PLEKHH2: variants seen among roughly 807,000 people sequenced by gnomAD.
PLEKHH2 encodes pleckstrin homology, MyTH4 and FERM domain containing H2, also known as pleckstrin homology domain-containing family H member 2.
Under a neutral mutation model 187.9 loss-of-function variants are expected in PLEKHH2, and 129 were observed. The observed-to-expected ratio is 0.69, with a 90% confidence interval of 0.59 to 0.79. PLEKHH2 has a LOEUF of 0.79. Among genes scored for constraint, PLEKHH2 ranks in the 30% least tolerant of loss-of-function variants. The pLI is 0.00. For missense variants in PLEKHH2, 2,076 were observed against 1,751.2 expected (o/e 1.19, Z -3.31); for synonymous variants, 686 against 605.6 (o/e 1.13, Z -1.95).
chr2:43,697,413 G>A, intron 7 of PLEKHH2, 57 bp downstream of exon 7: 1 of 1,410,250 alleles, frequency 7.1e-7, no homozygotes, highest in Non-Finnish European at 9.7e-7. Flanking sequence ...AGACTCATTT[G>A]CTAAGATTAA....
chr2:43,738,607 T>G, intron 20 of PLEKHH2, 87 bp downstream of exon 20: 2 of 1,300,218 alleles, frequency 1.5e-6, no homozygotes, highest in Non-Finnish European at 2.1e-6. Flanking sequence ...GCATAGACAT[T>G]TGGAGAATAC....
intron 3 of PLEKHH2, among the ~76,000 whole-genome samples, chr2:43,684,594 C>A (rs1368745488): frequency 6.6e-6 from 1 of 151,748 alleles, no homozygotes. Flanking sequence ...AGTGAGGAGT[C>A]TTTAAAAAAG....
intron 8 of PLEKHH2, among the ~76,000 whole-genome samples, chr2:43,702,833 G>C (rs1669448953): frequency 6.6e-6 from 1 of 152,068 alleles, no homozygotes; most frequent in African/African-American, 2.4e-5. Flanking sequence ...GTGATAGTCA[G>C]CAGTACCTCC....
At chr2:43,660,536 GT>G (rs533210323) in intron 2 of PLEKHH2, among the ~76,000 whole-genome samples, 1 of 133,192 alleles carries the variant, frequency 7.5e-6, no homozygotes, top group Non-Finnish European at 1.5e-5. Context: ...AGTTACATAT[GT>G]ATAAATGTGC....
At chr2:43,677,800 C>T (rs144325829) in intron 2 of PLEKHH2, among the ~76,000 whole-genome samples, 69,513 of 146,284 alleles carry the variant, frequency 0.48, 17,397 homozygotes, top group Non-Finnish European at 0.52. Flanking sequence ...CCTCACCTCC[C>T]GCACCGGGCA....
chr2:43,676,257 C>T lies in PLEKHH2; in HGVS notation c.124-2606C>T, dbSNP rs528210255. The T allele has an allele frequency of 7.4e-4, 1,201 of 1,613,724 alleles. 12 individuals are homozygous for T. The South Asian group carries it at 0.013, about 17-fold the overall frequency. On this transcript the variant is annotated intron_variant, in intron 2 of 29. Transcript: ENST00000282406. ...TGTGAATTTGGCCAAACATAGTTAT[C>T]AAAACCCAGGAAATGCTCCCAAGCA...
intron 15 of PLEKHH2, among the ~76,000 whole-genome samples, chr2:43,715,291 G>GA (rs531444112): frequency 0.021 from 3,092 of 149,550 alleles, 32 homozygotes; most frequent in Non-Finnish European, 0.025. Context: ...AAGAAAAAAA[G>GA]AAAAAAAAAA....
chr2:43,706,378 A>G lies in PLEKHH2; in HGVS notation c.1783A>G (p.Lys595Glu), dbSNP rs1669657442. 1 of 1,608,624 alleles carries G rather than the reference A, an allele frequency of 6.2e-7. No individual in the cohort carries two copies. Among genetic ancestry groups the G allele is most frequent in the African/African-American group, 1.3e-5 (1 of 74,808 alleles). Residue 595 changes from lysine (K) to glutamate (E), a missense_variant, in exon 10 of 30, where the codon AAG (lysine) becomes GAG (glutamate). Lys to Glu is a moderately conservative substitution (Grantham distance 56, BLOSUM62 1). Transcript: ENST00000282406. The stretch of plus-strand genomic sequence containing the variant: ...AGGACTTTATACATCTCTGATATAC[A>G]AGAACATGACCACCCCAGTGTATAC... ...TSGLYTSLIYKNMTTPVYTTL... is the reference protein window; with the variant it reads ...TSGLYTSLIYENMTTPVYTTL...
intron 3 of PLEKHH2, among the ~76,000 whole-genome samples, chr2:43,688,753 A>G (rs1668648512): frequency 6.6e-6 from 1 of 152,238 alleles, no homozygotes; most frequent in South Asian, 2.1e-4. Flanking sequence ...AGTGGTGTCC[A>G]GGAGAAATCA....
chr2:43,725,145 G>C (rs1035500528), intron 16 of PLEKHH2, among the ~76,000 whole-genome samples: 2 of 152,290 alleles, frequency 1.3e-5, no homozygotes, highest in East Asian at 3.9e-4. Flanking sequence ...TTGGAACCAG[G>C]TGTGCTATCT....
chr2:43,681,498 A>G lies in PLEKHH2; in HGVS notation c.186+2573A>G. On this transcript the variant is annotated intron_variant, in intron 3 of 29. Coordinates refer to ENST00000282406, the MANE Select transcript of PLEKHH2 (RefSeq NM_172069.4). ...ATCATCTTCTCTTTCCTGGGCATCA[A>G]CGTTATCTTTGTGCAGCTGGCCAGA... 4 of 1,544,402 alleles carry G rather than the reference A, an allele frequency of 2.6e-6. No homozygotes were observed. The South Asian group carries it at 3.6e-5, about 14-fold the overall frequency.
chr2:43,748,289 A>G (rs1482816814), intron 24 of PLEKHH2, among the ~76,000 whole-genome samples: 2 of 152,202 alleles, frequency 1.3e-5, no homozygotes, highest in African/African-American at 4.8e-5. Context: ...ATTCCTAGAG[A>G]TAAGCAATAT....
chr2:43,644,659 T>C lies in PLEKHH2; in HGVS notation c.-3-12T>C. 1.3e-6 allele frequency: 2 copies of C among 1,506,270 alleles called. No homozygotes were observed. The highest frequency in any genetic ancestry group is 1.4e-5 in the African/African-American group (1 of 70,642). The allele number at this position is 1,506,270 out of a possible 1,614,324, so 93.3% of individuals were successfully genotyped here. ...CTTTTTAATTTTTTGTTTATTTATT[T>C]AATTTTTTTAGAATATGGCAGAGCT... On this transcript the variant is annotated splice_polypyrimidine_tract_variant and intron_variant, in intron 1 of 29. Coordinates refer to ENST00000282406, the MANE Select transcript of PLEKHH2 (RefSeq NM_172069.4).
In PLEKHH2 at chr2:43,700,572, ACCT is replaced by A; in HGVS notation, c.1617_1619del (p.Pro540del). 6.2e-7 allele frequency: 1 copy of A among 1,612,254 alleles called. No individual in the cohort carries two copies. Among genetic ancestry groups the A allele is most frequent in the Non-Finnish European group, 8.5e-7 (1 of 1,179,842 alleles). ...CAGCAAAGAAGGTGGCATACAGCAA[ACCT>A]CCAACTCCTCCCCTGCACCGTTTTC... On this transcript the variant is annotated inframe_deletion, in exon 8 of 30. Transcript: ENST00000282406.
In PLEKHH2 at chr2:43,699,816, G is replaced by A. The variant is rs1669264839; in HGVS notation, c.858G>A (p.Trp286Ter). The change falls in exon 8 of 30, where the codon TGG (tryptophan) becomes TGA (stop). Residue 286 changes from tryptophan (W) to a stop codon, truncating the protein, a stop_gained. Transcript: ENST00000282406. LOFTEE classifies it high-confidence loss of function. ...ATTCTGGGGCTCCTGTGAGTGACTGGAGCTCTGATGAGGAAGACGGGAGCA... is the reference window on the plus strand; with the variant it reads ...ATTCTGGGGCTCCTGTGAGTGACTGAAGCTCTGATGAGGAAGACGGGAGCA... ...SQNSGAPVSD[W>*]SSDEEDGSKG... is the part of the protein sequence containing the mutation. The A allele has an allele frequency of 6.2e-7, 1 of 1,611,692 alleles. No individual in the cohort carries two copies. The highest frequency in any genetic ancestry group is 1.1e-5 in the South Asian group (1 of 91,036).
intron 2 of PLEKHH2, among the ~76,000 whole-genome samples, chr2:43,651,023 A>G (rs994931177): frequency 1.3e-5 from 2 of 152,164 alleles, no homozygotes; most frequent in African/African-American, 4.8e-5. Flanking sequence ...CCTAATGTAT[A>G]TTTACATTAA....
At chr2:43,703,701 T>C (rs1237630336) in intron 8 of PLEKHH2, among the ~76,000 whole-genome samples, 2 of 151,134 alleles carry the variant, frequency 1.3e-5, no homozygotes, top group Non-Finnish European at 2.9e-5. Flanking sequence ...GAAAAAGCTT[T>C]CTCTTACTTT....
At chr2:43,686,385 C>T (rs534349774) in intron 3 of PLEKHH2, among the ~76,000 whole-genome samples, 31 of 152,234 alleles carry the variant, frequency 2.0e-4, no homozygotes, top group Admixed American at 1.4e-3. Context: ...ATAGTAGAGA[C>T]GGTGTTTCAT....
intron 15 of PLEKHH2, among the ~76,000 whole-genome samples, chr2:43,716,852 A>G (rs1361362332): frequency 6.6e-6 from 1 of 152,238 alleles, no homozygotes; most frequent in Non-Finnish European, 1.5e-5. Flanking sequence ...TCTAGTTTCA[A>G]CAGTTATTAA....
Sources: gnomAD v4.1 joint callset for allele counts (sites outside exome capture counted in the v4.1 genomes callset) on GRCh38, gnomAD v4.1.1 for gene constraint, MANE v1.5 for transcripts, NCBI Gene and HGNC (gene_info 2026-07-23, HGNC 2026-07-21) for gene names.